The following MYRIP variants were observed in gnomAD, a reference collection of about 807,000 sequenced individuals.
MYRIP encodes the protein rab effector MyRIP.
MYRIP carries 49 observed loss-of-function variants against 98.0 expected under a neutral mutation model. The observed-to-expected ratio is 0.50, with a 90% CI of 0.40 to 0.63. MYRIP has a LOEUF of 0.63. MYRIP is among the 30% of genes least tolerant of loss of function. MYRIP has a pLI of 0.00. For missense variants in MYRIP, 1,004 were observed against 1,058.2 expected, an observed-to-expected ratio of 0.95 and a Z score of 0.71; for synonymous variants, 404 against 409.5, an observed-to-expected ratio of 0.99 and a Z score of 0.16.
intron 1 of MYRIP, among the ~76,000 whole-genome samples, chr3:39,826,088 ATAGT>A (rs1941254219): frequency 6.6e-6 from 1 of 151,294 alleles, no homozygotes; most frequent in African/African-American, 2.4e-5. Context: ...AGTCTAGCTA[ATAGT>A]TTGTCAATTT....
intron 3 of MYRIP, among the ~76,000 whole-genome samples, chr3:40,072,662 A>G (rs146311140): frequency 2.0e-5 from 3 of 152,128 alleles, no homozygotes; most frequent in Non-Finnish European, 2.9e-5. Context: ...GTGTTTTTAA[A>G]CTTTCCAAGC....
chr3:39,912,835 T>C (rs906837937), intron 2 of MYRIP, among the ~76,000 whole-genome samples: 13 of 151,988 alleles, frequency 8.6e-5, no homozygotes, highest in Admixed American at 2.0e-4. Flanking sequence ...AGGTCAAGAG[T>C]TCGAGACCAG....
rs201538417 is a variant in MYRIP, at chr3:40,044,028, T to G, written c.111-22T>G. On this transcript the variant is annotated intron_variant, in intron 2 of 16. Coordinates refer to ENST00000302541, the MANE Select transcript of MYRIP (RefSeq NM_015460.4). Reference sequence around the variant, plus strand: ...TGTTGTGTTTCTCTCCTCCTCCCATTTCCCCTACCTTGGTTTCCCAGTGAG... The same window carrying G: ...TGTTGTGTTTCTCTCCTCCTCCCATGTCCCCTACCTTGGTTTCCCAGTGAG... The G allele has an allele frequency of 7.5e-6, 12 of 1,610,534 alleles. No individual in the cohort carries two copies. The Admixed American group carries it at 1.8e-4, about 25-fold the overall frequency.
chr3:40,071,041 A>G, intron 3 of MYRIP: 1 of 721,106 alleles, frequency 1.4e-6, no homozygotes, highest in Non-Finnish European at 1.7e-6. Context: ...ATGTCAGGCA[A>G]AGCCAAAGCA....
intron 2 of MYRIP, among the ~76,000 whole-genome samples, chr3:40,008,249 C>A (rs1946677874): frequency 6.6e-6 from 1 of 151,980 alleles, no homozygotes; most frequent in Admixed American, 6.6e-5. Flanking sequence ...TAATAAAGGA[C>A]CACATAAATT....
At chr3:39,895,620 A>G (rs1943589107) in intron 1 of MYRIP, among the ~76,000 whole-genome samples, 1 of 152,100 alleles carries the variant, frequency 6.6e-6, no homozygotes, top group South Asian at 2.1e-4. Flanking sequence ...TTCCTTTATG[A>G]GAAGAACTAA....
intron 2 of MYRIP, among the ~76,000 whole-genome samples, chr3:39,975,650 A>G (rs1305229773): frequency 2.0e-5 from 3 of 152,118 alleles, no homozygotes; most frequent in South Asian, 2.1e-4. Flanking sequence ...TTCAAACTAT[A>G]CTACAAGGCT....
intron 2 of MYRIP, among the ~76,000 whole-genome samples, chr3:39,996,546 A>G (rs909351731): frequency 2.6e-4 from 39 of 152,154 alleles, no homozygotes; most frequent in Non-Finnish European, 5.4e-4. Context: ...GTCCTTAGAG[A>G]CCTACAAAGA....
chr3:40,229,839 G>A (rs1377370017), intron 11 of MYRIP, among the ~76,000 whole-genome samples: 1 of 152,172 alleles, frequency 6.6e-6, no homozygotes, highest in Non-Finnish European at 1.5e-5. Flanking sequence ...GACACCAAGA[G>A]CATGGCTGCC....
At chr3:40,057,758 G>T (rs1245866181) in intron 3 of MYRIP, among the ~76,000 whole-genome samples, 1 of 152,206 alleles carries the variant, frequency 6.6e-6, no homozygotes, top group Non-Finnish European at 1.5e-5. Context: ...AAGGGATGGG[G>T]CTTTGCTTTC....
intron 3 of MYRIP, among the ~76,000 whole-genome samples, chr3:40,044,794 A>G (rs1194407514): frequency 6.6e-6 from 1 of 152,206 alleles, no homozygotes; most frequent in Non-Finnish European, 1.5e-5. Flanking sequence ...GCTTGGAGAA[A>G]GCTTCATAGA....
intron 3 of MYRIP, among the ~76,000 whole-genome samples, chr3:40,108,679 C>G (rs545020342): frequency 6.6e-6 from 1 of 152,086 alleles, no homozygotes; most frequent in Non-Finnish European, 1.5e-5. Flanking sequence ...GCAAAGCAAC[C>G]CTTTGACTGG....
chr3:40,000,938 T>G (rs913906516), intron 2 of MYRIP, among the ~76,000 whole-genome samples: 1 of 152,218 alleles, frequency 6.6e-6, no homozygotes, highest in African/African-American at 2.4e-5. Context: ...TGGGAAAACA[T>G]GTTTTCTTCT....
chr3:39,873,356 G>T (rs1318144512), intron 1 of MYRIP, among the ~76,000 whole-genome samples: 8 of 152,142 alleles, frequency 5.3e-5, no homozygotes, highest in Non-Finnish European at 1.2e-4. Flanking sequence ...GATCCCATTT[G>T]TCAATTTTGG....
intron 13 of MYRIP, among the ~76,000 whole-genome samples, chr3:40,246,099 C>A (rs1419446516): frequency 5.6e-5 from 2 of 35,912 alleles, no homozygotes; most frequent in Non-Finnish European, 9.1e-5. Flanking sequence ...GAACTGTGGT[C>A]GTCAATAAAA....
chr3:39,907,974 T>C (rs75853606), intron 2 of MYRIP, among the ~76,000 whole-genome samples: 2,460 of 152,310 alleles, frequency 0.016, 63 homozygotes, highest in African/African-American at 0.055. Context: ...GACTGTTAAT[T>C]GTACAATCCT....
intron 9 of MYRIP, among the ~76,000 whole-genome samples, chr3:40,184,082 T>A (rs1251155093): frequency 2.0e-5 from 3 of 152,250 alleles, no homozygotes; most frequent in African/African-American, 7.2e-5. Context: ...TATATGGTGT[T>A]TGCTTTTGCT....
chr3:40,104,866 A>C (rs1469866138), intron 3 of MYRIP, among the ~76,000 whole-genome samples: 1 of 152,188 alleles, frequency 6.6e-6, no homozygotes, highest in Non-Finnish European at 1.5e-5. Context: ...CTTTTACTAA[A>C]GATATATTTG....
At chr3:40,201,722 A>G (rs1253135154) in intron 10 of MYRIP, among the ~76,000 whole-genome samples, 3 of 152,254 alleles carry the variant, frequency 2.0e-5, no homozygotes, top group African/African-American at 7.2e-5. Flanking sequence ...GTGTCTTTCC[A>G]TTTCCACTGT....
Sources: allele counts gnomAD v4.1 joint callset (sites outside exome capture counted in the v4.1 genomes callset), GRCh38; gene constraint gnomAD v4.1.1; transcripts MANE v1.5; gene names NCBI Gene and HGNC (gene_info 2026-07-23, HGNC 2026-07-21).